The following TGM6 variants were observed in gnomAD, a reference collection of about 807,000 sequenced individuals.
The protein encoded by TGM6 is transglutaminase 6, also known as protein-glutamine gamma-glutamyltransferase 6.
In TGM6, 74 loss-of-function variants were observed where a neutral mutation model predicts 77.5. The observed-to-expected ratio is 0.96, with a 90% CI of 0.79 to 1.16. The LOEUF (loss-of-function observed/expected upper bound fraction) is 1.16, where lower values mean the gene tolerates loss of function less well. TGM6 is among the 50% of genes most tolerant of loss of function. The pLI is 0.00. For synonymous variants in TGM6, 383 were observed against 378.9 expected (o/e 1.01, Z -0.12); for missense variants, 968 against 940.2 (o/e 1.03, Z -0.39).
intron 7 of TGM6, among the ~76,000 whole-genome samples, chr20:2,402,127 A>C (rs1253665024): frequency 1.3e-5 from 2 of 152,156 alleles, no homozygotes; most frequent in African/African-American, 4.8e-5. Flanking sequence ...ACACCTCCCC[A>C]GCTACTGGGG....
At chr20:2,405,934 G>A (rs566486655) in intron 9 of TGM6, among the ~76,000 whole-genome samples, 3 of 152,214 alleles carry the variant, frequency 2.0e-5, no homozygotes, top group South Asian at 2.1e-4. Context: ...TAAGTAAGAC[G>A]GGATAAACAG....
rs369457769 is a variant in TGM6 at position 2,417,581 on chromosome 20, T to A, written c.1678+8T>A. 6.3e-7 allele frequency: 1 copy of A among 1,595,234 alleles called. No individual in the cohort carries two copies. The highest frequency in any genetic ancestry group is 2.2e-5 in the East Asian group (1 of 44,582). ...GGCTGGGGCCGCAAGAAGGTAAGTG[T>A]ACGCTGGCTTGGTGGAATCAGGCCA... On this transcript the variant is annotated splice_region_variant and intron_variant, in intron 10 of 12. Transcript: ENST00000202625.
At position 2,417,566 on chromosome 20, in the gene TGM6, G is replaced by A. The variant is rs760476169; in HGVS notation, c.1671G>A (p.Pro557=). The A allele has an allele frequency of 2.3e-5, 36 of 1,599,950 alleles. No homozygotes were observed. The highest frequency in any genetic ancestry group is 2.2e-4 in the South Asian group (20 of 90,652). Residue 557 remains proline, a synonymous_variant, in exon 10 of 13, where the codon CCG becomes CCA. Coordinates refer to ENST00000202625, the MANE Select transcript of TGM6 (RefSeq NM_198994.3). ...AATCCCACGCCGTGAGGCTGGGGCC[G>A]CAAGAAGGTAAGTGTACGCTGGCTT... ...LHESHAVRLG[P]QEEKRIPITI... is the part of the protein sequence containing the mutation.
At position 2,415,708 on chromosome 20, in the gene TGM6, G is replaced by A. The variant is rs146580116; in HGVS notation, c.1337-1524G>A. 4.4e-3 allele frequency among the ~76,000 whole-genome samples: 674 copies of A among 152,206 alleles called. 5 individuals are homozygous for A. Among genetic ancestry groups the A allele is most frequent in the Non-Finnish European group, 6.8e-3 (461 of 68,016 alleles). On this transcript the variant is annotated intron_variant, in intron 9 of 12. Transcript: ENST00000202625. ...AGAGAAGAGTCAAGAACACTCCCAGGCTTCTGGCTTGTACACCCGGGCTCA... is the reference window on the plus strand; with the variant it reads ...AGAGAAGAGTCAAGAACACTCCCAGACTTCTGGCTTGTACACCCGGGCTCA...
At chr20:2,410,920 C>A (rs1169302773) in intron 9 of TGM6, among the ~76,000 whole-genome samples, 1 of 152,108 alleles carries the variant, frequency 6.6e-6, no homozygotes, top group African/African-American at 2.4e-5. Context: ...AATAGAAAAT[C>A]TGAATAGATT....
In TGM6 at chr20:2,399,615, G is replaced by A. The variant is rs202245813; in HGVS notation, c.727G>A (p.Gly243Ser). ...GCAAGGACAGTGGCAGGGCAAGTAC[G>A]GCGGCGGCACCAGCCCGCTGCACTG... ...VVQGQWQGKYGGGTSPLHWRG... is the reference protein window; with the variant it reads ...VVQGQWQGKYSGGTSPLHWRG... The change falls in exon 6 of 13, where the codon GGC becomes AGC. Residue 243 changes from glycine to serine, a missense_variant. Gly to Ser is a moderately conservative substitution (Grantham distance 56, BLOSUM62 0). Coordinates refer to ENST00000202625, the MANE Select transcript of TGM6 (RefSeq NM_198994.3). The A allele has an allele frequency of 4.6e-5, 75 of 1,613,364 alleles. 1 individual carries two copies. Among genetic ancestry groups the A allele is most frequent in the Admixed American group, 3.3e-5 (2 of 60,000 alleles).
rs371018532 is a variant in TGM6, at chr20:2,380,933, T to C, written c.-36T>C. 2.9e-4 allele frequency: 463 copies of C among 1,603,300 alleles called. 5 individuals are homozygous for C. The South Asian group carries it at 4.9e-3, about 17-fold the overall frequency. On this transcript the variant is annotated 5_prime_UTR_variant, in exon 1 of 13. Transcript: ENST00000202625. Reference sequence around the variant, plus strand: ...ACTGTCCTGACGGTGCACACACTGCTGTGTGGAGGAACAGAGGAGTCCAGC... The same window carrying C: ...ACTGTCCTGACGGTGCACACACTGCCGTGTGGAGGAACAGAGGAGTCCAGC...
intron 12 of TGM6, among the ~76,000 whole-genome samples, chr20:2,431,457 T>G (rs1017999354): frequency 6.6e-6 from 1 of 152,260 alleles, no homozygotes; most frequent in African/African-American, 2.4e-5. Flanking sequence ...GTTTATTTAC[T>G]TATTCATTGT....
intron 10 of TGM6, among the ~76,000 whole-genome samples, chr20:2,420,562 G>A (rs2084849203): frequency 6.6e-6 from 1 of 152,298 alleles, no homozygotes; most frequent in Non-Finnish European, 1.5e-5. Flanking sequence ...ATAATGACAT[G>A]TATCTAACAT....
intron 10 of TGM6, among the ~76,000 whole-genome samples, chr20:2,426,272 G>C (rs1297215664): frequency 2.6e-5 from 4 of 151,930 alleles, no homozygotes; most frequent in Admixed American, 2.0e-4. Flanking sequence ...AACATAAGTG[G>C]TATTATGTTT....
chr20:2,423,224 A>G (rs939700381), intron 10 of TGM6, among the ~76,000 whole-genome samples: 1 of 152,018 alleles, frequency 6.6e-6, no homozygotes, highest in African/African-American at 2.4e-5. Flanking sequence ...GAAATTCGCC[A>G]CATTGAATGA....
intron 1 of TGM6, among the ~76,000 whole-genome samples, chr20:2,389,293 G>C (rs1336600998): frequency 6.6e-6 from 1 of 152,146 alleles, no homozygotes; most frequent in Non-Finnish European, 1.5e-5. Flanking sequence ...ATGTAAGTTA[G>C]TCACCTTTAA....
intron 7 of TGM6, among the ~76,000 whole-genome samples, chr20:2,401,177 C>T (rs1477772789): frequency 6.7e-6 from 1 of 150,120 alleles, no homozygotes; most frequent in East Asian, 2.0e-4. Context: ...CACTGCGCTC[C>T]AGCCTGGGTG....
At position 2,417,463 on chromosome 20, in the gene TGM6, G is replaced by A. The variant is rs201204278; in HGVS notation, c.1568G>A (p.Arg523Gln). The change falls in exon 10 of 13, where the codon CGG becomes CAG. Residue 523 changes from arginine (R) to glutamine (Q), a missense_variant. Coordinates refer to ENST00000202625, the MANE Select transcript of TGM6 (RefSeq NM_198994.3). ...LALCLANLTSRAQRVRVNLSG... is the reference protein window; with the variant it reads ...LALCLANLTSQAQRVRVNLSG... ...CTGTGCTTGGCCAACCTCACCTCCC[G>A]GGCCCAGCGGGTGAGGGTCAACCTG... is the stretch of plus-strand genomic sequence containing the variant. 7.5e-6 allele frequency: 12 copies of A among 1,610,698 alleles called. No homozygotes were observed. The highest frequency in any genetic ancestry group is 6.7e-5 in the African/African-American group (5 of 74,914).
chr20:2,385,023 CT>C (rs1243161815), intron 1 of TGM6, among the ~76,000 whole-genome samples: 2 of 152,206 alleles, frequency 1.3e-5, no homozygotes, highest in Non-Finnish European at 2.9e-5. Context: ...CAGATGCTGC[CT>C]CTCCCATCCC....
At chr20:2,429,725 T>C (rs1477923115) in intron 10 of TGM6, among the ~76,000 whole-genome samples, 3 of 151,100 alleles carry the variant, frequency 2.0e-5, no homozygotes, top group Non-Finnish European at 4.4e-5. Context: ...GCCGAGATCA[T>C]GCCACTGCAC....
chr20:2,396,155 G>T (rs1204458967), intron 3 of TGM6, among the ~76,000 whole-genome samples: 1 of 147,608 alleles, frequency 6.8e-6, no homozygotes, highest in Non-Finnish European at 1.5e-5. Flanking sequence ...ACTCCAGCCT[G>T]GGCAACAAGA....
chr20:2,417,310 G>C lies in TGM6; in HGVS notation c.1415G>C (p.Trp472Ser), dbSNP rs1386202533. The C allele has an allele frequency of 1.2e-6, 2 of 1,612,560 alleles. No homozygotes were observed. Among genetic ancestry groups the C allele is most frequent in the Admixed American group, 1.7e-5 (1 of 59,978 alleles). Reference protein sequence around the residue: ...FGVEASGRRIWIRRAGGRCLW... With the variant: ...FGVEASGRRISIRRAGGRCLW... Reference sequence around the variant, plus strand: ...GTGGAAGCCTCTGGAAGGAGAATCTGGATCCGCAGGGCTGGGGGTCGCTGT... The same window carrying C: ...GTGGAAGCCTCTGGAAGGAGAATCTCGATCCGCAGGGCTGGGGGTCGCTGT... The change falls in exon 10 of 13, where the codon TGG becomes TCG. Residue 472 changes from tryptophan (W) to serine (S), a missense_variant. By Grantham distance (177) the Trp-to-Ser change is radical. Transcript: ENST00000202625.
intron 10 of TGM6, 35 bp from the exon 11 acceptor site, chr20:2,430,411 C>T: frequency 1.2e-6 from 2 of 1,613,952 alleles, no homozygotes; most frequent in Admixed American, 1.7e-5. Context: ...AGAAAGACAT[C>T]AAGCCCCAAC....
Sources: allele counts gnomAD v4.1 joint callset (sites outside exome capture counted in the v4.1 genomes callset), GRCh38; gene constraint gnomAD v4.1.1; transcripts MANE v1.5; gene names NCBI Gene and HGNC (gene_info 2026-07-23, HGNC 2026-07-21).